The following DDX42 variants were observed in gnomAD, a reference collection of about 807,000 sequenced individuals.
DDX42 encodes the protein DEAD-box helicase 42.
A neutral mutation model predicts 101.5 loss-of-function variants in DDX42; 22 were observed. The ratio of observed to expected loss-of-function variants is 0.22; its 90% CI spans 0.15 to 0.31. DDX42 has a LOEUF of 0.31. Among genes scored for constraint, DDX42 ranks in the 10% least tolerant of loss-of-function variants. The pLI is 1.00. For synonymous variants in DDX42, 402 were observed against 401.2 expected, an observed-to-expected ratio of 1.00 and a Z score of -0.02; for missense variants, 849 against 1,199.9, an observed-to-expected ratio of 0.71 and a Z score of 4.32.
chr17:63,789,910 C>G (rs560791849), intron 2 of DDX42, among the ~76,000 whole-genome samples: 26 of 152,264 alleles, frequency 1.7e-4, no homozygotes, highest in African/African-American at 6.0e-4. Flanking sequence ...TTTTAGAAAG[C>G]TGACATGTTA....
In DDX42 at chr17:63,797,486, G is replaced by A. The variant is rs569308777; in HGVS notation, c.373-552G>A. 7.2e-5 allele frequency among the ~76,000 whole-genome samples: 11 copies of A among 151,808 alleles called. 1 individual carries two copies. Among genetic ancestry groups the A allele is most frequent in the Middle Eastern group, 3.4e-3 (1 of 294 alleles). On this transcript the variant is annotated intron_variant, in intron 3 of 17. Coordinates refer to ENST00000389924, the MANE Select transcript of DDX42 (RefSeq NM_203499.3). ...AGCCTTGAGACTACTGTCATTTGGC[G>A]CTGGATAATTATTTGTTGTGGGGCT...
intron 1 of DDX42, among the ~76,000 whole-genome samples, chr17:63,777,079 T>G (rs571668807): frequency 6.6e-6 from 1 of 152,080 alleles, no homozygotes; most frequent in Non-Finnish European, 1.5e-5. Context: ...GCTAATTTTT[T>G]AAATTTTTTT....
chr17:63,793,868 ATATATATATAT>A (rs2039659043), intron 3 of DDX42, among the ~76,000 whole-genome samples: 2 of 148,400 alleles, frequency 1.3e-5, no homozygotes. Flanking sequence ...ATATATATAT[ATATATATATAT>A]AATTTTTTAA....
chr17:63,775,289 T>C (rs1223623778), intron 1 of DDX42: 1 of 152,604 alleles, frequency 6.6e-6, no homozygotes, highest in East Asian at 1.9e-4. Context: ...AATGTGCAAT[T>C]CGTTCATTCA....
At chr17:63,809,028 C>G (rs28561678) in intron 10 of DDX42, 80 bp downstream of exon 10, 31 of 1,558,290 alleles carry the variant, frequency 2.0e-5, no homozygotes, top group Non-Finnish European at 2.6e-5. Flanking sequence ...AGAATTTCCC[C>G]TAAAGTGTGG....
chr17:63,815,097 T>C (rs1227011507), intron 15 of DDX42, among the ~76,000 whole-genome samples: 1 of 152,244 alleles, frequency 6.6e-6, no homozygotes, highest in Non-Finnish European at 1.5e-5. Flanking sequence ...CCATCCTTTC[T>C]GGGAGTCTGT....
Position 63,774,222 on chromosome 17 carries a change from TGGCGGCGGCGGTGGTGGTGGTGGCGGC to T in DDX42, c.-160_-134del, listed in dbSNP as rs1308393711. The T allele has an allele frequency of 3.4e-5, 8 of 234,884 alleles. No homozygotes were observed. Among genetic ancestry groups the T allele is most frequent in the South Asian group, 3.1e-4 (3 of 9,590 alleles). 14.5% of individuals were successfully genotyped at this position (234,884 alleles called of 1,614,324 possible). A position where few individuals can be genotyped will look rare whatever the true frequency, so the allele number is the denominator to read the frequency against. ...CGTGAGGCGGTGGCGGTGGTGGCGG[TGGCGGCGGCGGTGGTGGTGGTGGCGGC>T]GGCGGCGGCGAAGGGGGCGGAGAGG... On this transcript the variant is annotated 5_prime_UTR_variant, in exon 1 of 18. Coordinates refer to ENST00000389924, the MANE Select transcript of DDX42 (RefSeq NM_203499.3).
chr17:63,811,197 G>A, intron 13 of DDX42, 24 bp downstream of exon 13: 1 of 1,521,294 alleles, frequency 6.6e-7, no homozygotes, highest in Non-Finnish European at 9.0e-7. Flanking sequence ...GGGCTGGATG[G>A]GACCTTAATG....
chr17:63,808,003 A>G (rs1000616592), intron 9 of DDX42, 103 bp downstream of exon 9: 108 of 1,063,706 alleles, frequency 1.0e-4, no homozygotes, highest in African/African-American at 6.6e-4. Context: ...TTTAATTGTG[A>G]TAAGATACAC....
In DDX42 at chr17:63,795,565, C is replaced by G. The variant is rs375597397; in HGVS notation, c.373-2473C>G. Reference sequence around the variant, plus strand: ...CAGGCCGGTCTCAAACTCGTAGCCTCAGGCAGTCTCTCCACCTTGGCCTCT... The same window carrying G: ...CAGGCCGGTCTCAAACTCGTAGCCTGAGGCAGTCTCTCCACCTTGGCCTCT... On this transcript the variant is annotated intron_variant, in intron 3 of 17. Transcript: ENST00000389924. Among the ~76,000 whole-genome samples, 14 of 152,292 alleles carry G rather than the reference C, an allele frequency of 9.2e-5. No individual in the cohort carries two copies. In the East Asian group the frequency reaches 1.7e-3, roughly 19 times the overall value.
At chr17:63,776,773 A>G (rs2039426638) in intron 1 of DDX42, among the ~76,000 whole-genome samples, 1 of 151,024 alleles carries the variant, frequency 6.6e-6, no homozygotes, top group African/African-American at 2.4e-5. Context: ...GCCTCTTACC[A>G]TTTTTTATAG....
chr17:63,815,265 A>G (rs1423898316), intron 15 of DDX42, among the ~76,000 whole-genome samples: 1 of 151,964 alleles, frequency 6.6e-6, no homozygotes, highest in African/African-American at 2.4e-5. Flanking sequence ...GAAGTAGCCA[A>G]AGTTACTCCT....
intron 2 of DDX42, among the ~76,000 whole-genome samples, chr17:63,790,877 G>A (rs750809204): frequency 3.3e-5 from 5 of 152,222 alleles, no homozygotes; most frequent in Non-Finnish European, 7.3e-5. Flanking sequence ...GTTGCAGTGA[G>A]CACAGAGATC....
intron 11 of DDX42, 156 bp from the exon 12 acceptor site, chr17:63,810,357 C>G: frequency 1.6e-6 from 1 of 607,332 alleles, no homozygotes; most frequent in Non-Finnish European, 2.7e-6. Context: ...TCCGAAAGTG[C>G]TAGGATTACA....
Position 63,810,541 on chromosome 17 carries a change from T to C in DDX42, c.1281T>C (p.His427=). ...FEYQVRSIAS[H]VRPDRQTLLF... The stretch of plus-strand genomic sequence containing the variant: ...ACCAAGTTCGATCCATAGCAAGTCA[T>C]GTTCGTCCTGACAGGCAGAGTATGT... The change falls in exon 12 of 18, where the codon CAT becomes CAC. Residue 427 remains histidine (H), a synonymous_variant. Coordinates refer to ENST00000389924, the MANE Select transcript of DDX42 (RefSeq NM_203499.3). 1 of 1,614,120 alleles carries C rather than the reference T, an allele frequency of 6.2e-7. No homozygotes were observed. Among genetic ancestry groups the C allele is most frequent in the Non-Finnish European group, 8.5e-7 (1 of 1,179,996 alleles).
In DDX42 at chr17:63,787,324, C is replaced by G. The variant is rs2039559221; in HGVS notation, c.221+54C>G. The G allele has an allele frequency of 2.6e-6, 4 of 1,547,378 alleles. No homozygotes were observed. In the Admixed American group the frequency reaches 5.6e-5, roughly 22 times the overall value. ...AAGTTTGGACTTTGATATATTCATTCTATCAGCAGAAATTGAGGCAAAGAA... is the reference window on the plus strand; with the variant it reads ...AAGTTTGGACTTTGATATATTCATTGTATCAGCAGAAATTGAGGCAAAGAA... On this transcript the variant is annotated intron_variant, in intron 2 of 17. Coordinates refer to ENST00000389924, the MANE Select transcript of DDX42 (RefSeq NM_203499.3).
chr17:63,793,727 T>C (rs1399059072), intron 3 of DDX42, among the ~76,000 whole-genome samples: 1 of 152,106 alleles, frequency 6.6e-6, no homozygotes, highest in Non-Finnish European at 1.5e-5. Flanking sequence ...TCTTGCCATC[T>C]TCCTCCAATT....
At chr17:63,794,285 T>A (rs937920532) in intron 3 of DDX42, among the ~76,000 whole-genome samples, 3 of 152,156 alleles carry the variant, frequency 2.0e-5, no homozygotes, top group Admixed American at 6.5e-5. Context: ...GGCTCATACC[T>A]ATAATCCCAG....
At position 63,818,118 on chromosome 17, in the gene DDX42, A is replaced by G. The variant is rs376151651; in HGVS notation, c.2537A>G (p.His846Arg). The change falls in exon 18 of 18, where the codon CAT becomes CGT. Residue 846 changes from histidine (H) to arginine (R), a missense_variant. Transcript: ENST00000389924. ...DGGRHGDGYR[H>R]PESSSRHTDG... ...GGTCGCCATGGAGATGGATACCGCCATCCAGAAAGCAGCAGCCGTCATACT... is the reference window on the plus strand; with the variant it reads ...GGTCGCCATGGAGATGGATACCGCCGTCCAGAAAGCAGCAGCCGTCATACT... 1.9e-6 allele frequency: 3 copies of G among 1,614,018 alleles called. No individual in the cohort carries two copies. Among genetic ancestry groups the G allele is most frequent in the South Asian group, 2.2e-5 (2 of 91,074 alleles).
Sources: allele counts gnomAD v4.1 joint callset (sites outside exome capture counted in the v4.1 genomes callset), GRCh38; gene constraint gnomAD v4.1.1; transcripts MANE v1.5; gene names NCBI Gene and HGNC (gene_info 2026-07-23, HGNC 2026-07-21).